Variants in EPS8 observed in about 807,000 individuals in gnomAD.
EPS8 encodes the protein EGFR pathway substrate 8, signaling adaptor.
A neutral mutation model predicts 103.8 loss-of-function variants in EPS8; 42 were observed. That is an observed-to-expected ratio of 0.40 (90% CI 0.32 to 0.52). EPS8 has a LOEUF of 0.52. EPS8 is among the 20% of genes least tolerant of loss of function. The pLI, the probability that EPS8 is intolerant of heterozygous loss-of-function variation, is 0.40. For synonymous variants in EPS8, 344 were observed against 344.6 expected, an observed-to-expected ratio of 1.00 and a Z score of 0.02; for missense variants, 969 against 1,005.1, an observed-to-expected ratio of 0.96 and a Z score of 0.49.
chr12:15,695,951 TA>T lies in EPS8; in HGVS notation c.-21-12980del, dbSNP rs1165312822. The stretch of plus-strand genomic sequence containing the variant: ...AATATGACAACTTCTGTTAATTTAT[TA>T]AAAAGTAAAAATAAAACAGATAGCG... On this transcript the variant is annotated intron_variant, in intron 1 of 20. Coordinates refer to ENST00000281172, the MANE Select transcript of EPS8 (RefSeq NM_004447.6). The surrounding 1 kb of genome is among the most constrained non-coding windows in gnomAD (Gnocchi z 5.0). Among the ~76,000 whole-genome samples, 1 of 152,098 alleles carries T rather than the reference TA, an allele frequency of 6.6e-6. No individual in the cohort carries two copies. Among genetic ancestry groups the T allele is most frequent in the Admixed American group, 6.6e-5 (1 of 15,266 alleles).
At position 15,658,572 on chromosome 12, in the gene EPS8, C is replaced by A; in HGVS notation, c.951G>T (p.Thr317=). 1 of 1,610,476 alleles carries A rather than the reference C, an allele frequency of 6.2e-7. No homozygotes were observed. Among genetic ancestry groups the A allele is most frequent in the African/African-American group, 1.3e-5 (1 of 74,930 alleles). Residue 317 remains threonine (T), a synonymous_variant, in exon 11 of 21, where the codon ACG becomes ACT. Transcript: ENST00000281172. ...KRKGPGEGVL[T]LRAKPPPPDE... ...CAGGAGGTGGAGGTTTTGCCCGCAG[C>A]GTTAAAACACCCTCTAATGAAATAA...
At chr12:15,750,523 A>C (rs578005676) in intron 1 of EPS8, among the ~76,000 whole-genome samples, 69 of 152,310 alleles carry the variant, frequency 4.5e-4, no homozygotes, top group African/African-American at 1.6e-3. Flanking sequence ...TAATATGGAC[A>C]ATGTTAGAGT....
At position 15,761,709 on chromosome 12, in the gene EPS8, C is replaced by A. The variant is rs143146592; in HGVS notation, c.-22+27452G>T. On this transcript the variant is annotated intron_variant, in intron 1 of 20. Transcript: ENST00000281172. This position sits in a 1 kb window ranked among gnomAD's most constrained non-coding sequence, Gnocchi z 4.5. ...AAAAGACAGACTCTTCAATAAATGGCGCTGGGAAAACTGGATATCCATATC... is the reference window on the plus strand; with the variant it reads ...AAAAGACAGACTCTTCAATAAATGGAGCTGGGAAAACTGGATATCCATATC... Among the ~76,000 whole-genome samples, 9 of 151,888 alleles carry A rather than the reference C, an allele frequency of 5.9e-5. No individual in the cohort carries two copies. Among genetic ancestry groups the A allele is most frequent in the African/African-American group, 2.2e-4 (9 of 41,348 alleles).
chr12:15,664,454 G>A (rs1160343207), intron 8 of EPS8, among the ~76,000 whole-genome samples: 1 of 152,120 alleles, frequency 6.6e-6, no homozygotes, highest in African/African-American at 2.4e-5. Context: ...CACAAATTAT[G>A]CTTACTATTT....
chr12:15,671,887 T>A (rs561760211), intron 3 of EPS8: 2 of 152,288 alleles, frequency 1.3e-5, no homozygotes, highest in African/African-American at 4.8e-5. Flanking sequence ...AACAGAATGC[T>A]ATGATGAAAA....
chr12:15,774,265 C>T (rs536851157), intron 1 of EPS8, among the ~76,000 whole-genome samples: 34 of 151,972 alleles, frequency 2.2e-4, no homozygotes, highest in Middle Eastern at 3.4e-3. Flanking sequence ...TATGCTACAC[C>T]TCTTTTACAG....
At chr12:15,673,063 C>T (rs921529936) in intron 3 of EPS8, among the ~76,000 whole-genome samples, 2 of 152,098 alleles carry the variant, frequency 1.3e-5, no homozygotes, top group Non-Finnish European at 2.9e-5. Flanking sequence ...ATTTCCTAAC[C>T]CATAGTTTCC....
rs757389759 is a variant in EPS8 at position 15,650,800 on chromosome 12, GGCAA to G, written c.1434+19_1434+22del. Reference sequence around the variant, plus strand: ...ACAGATAATTACACTGTCTACAGAGGGCAATGTTAAAAAAAAAACTACCTCTGTG... The same window carrying G: ...ACAGATAATTACACTGTCTACAGAGGTGTTAAAAAAAAAACTACCTCTGTG... On this transcript the variant is annotated intron_variant, in intron 14 of 20. Transcript: ENST00000281172. 1.3e-6 allele frequency: 2 copies of G among 1,579,728 alleles called. No individual in the cohort carries two copies. Among genetic ancestry groups the G allele is most frequent in the Non-Finnish European group, 1.7e-6 (2 of 1,150,294 alleles).
chr12:15,662,041 G>A lies in EPS8; in HGVS notation c.795C>T (p.Arg265=), dbSNP rs1591830654. The A allele has an allele frequency of 4.3e-6, 7 of 1,613,662 alleles. No homozygotes were observed. In the East Asian group the frequency reaches 1.6e-4, roughly 36 times the overall value. The part of the protein sequence containing the change: ...QEETPEMMAA[R]IDRDVQILNH... ...CTGTACTTACCACATCTCTGTCAAT[G>A]CGGGCTGCCATCATCTCAGGTGTTT... The change falls in exon 9 of 21, where the codon CGC becomes CGT. Residue 265 remains arginine, a synonymous_variant. Coordinates refer to ENST00000281172, the MANE Select transcript of EPS8 (RefSeq NM_004447.6).
Position 15,693,375 on chromosome 12 carries a change from C to T in EPS8, c.-21-10403G>A, listed in dbSNP as rs573229168. On this transcript the variant is annotated intron_variant, in intron 1 of 20. Transcript: ENST00000281172. This position sits in a 1 kb window ranked among gnomAD's most constrained non-coding sequence, Gnocchi z 5.6. Reference sequence around the variant, plus strand: ...AACCGAGTTCTCTAGTTCACATTCTCCACAGAATAAACTACTGGTTTTACT... The same window carrying T: ...AACCGAGTTCTCTAGTTCACATTCTTCACAGAATAAACTACTGGTTTTACT... Among the ~76,000 whole-genome samples, 2 of 152,298 alleles carry T rather than the reference C, an allele frequency of 1.3e-5. No individual in the cohort carries two copies. The highest frequency in any genetic ancestry group is 3.9e-4 in the East Asian group (2 of 5,190).
chr12:15,643,029 T>C (rs1259442706), intron 15 of EPS8, among the ~76,000 whole-genome samples: 1 of 152,176 alleles, frequency 6.6e-6, no homozygotes. Context: ...TTATTAATAA[T>C]AATAATTTTA....
Position 15,771,474 on chromosome 12 carries a change from A to T in EPS8, c.-22+17687T>A, listed in dbSNP as rs1002977441. Reference sequence around the variant, plus strand: ...ATTGAAGTAGGACAGAGGCAGATACAGAGACATTCAGGAGGGAATAGCTTA... The same window carrying T: ...ATTGAAGTAGGACAGAGGCAGATACTGAGACATTCAGGAGGGAATAGCTTA... On this transcript the variant is annotated intron_variant, in intron 1 of 20. Transcript: ENST00000281172. The surrounding 1 kb of genome is among the most constrained non-coding windows in gnomAD (Gnocchi z 4.6). Among the ~76,000 whole-genome samples, 2 of 152,232 alleles carry T rather than the reference A, an allele frequency of 1.3e-5. No individual in the cohort carries two copies. Among genetic ancestry groups the T allele is most frequent in the Non-Finnish European group, 2.9e-5 (2 of 68,040 alleles).
intron 3 of EPS8, among the ~76,000 whole-genome samples, chr12:15,674,435 T>C (rs1945868266): frequency 1.3e-5 from 2 of 152,158 alleles, no homozygotes; most frequent in African/African-American, 4.8e-5. Context: ...ACTAGCTTAG[T>C]GTCTAAGTAT....
At chr12:15,739,483 C>T (rs1004180540) in intron 1 of EPS8, among the ~76,000 whole-genome samples, 1 of 152,106 alleles carries the variant, frequency 6.6e-6, no homozygotes, top group Non-Finnish European at 1.5e-5. Context: ...CCCATCCAAT[C>T]GACTGGGGGA....
chr12:15,777,899 G>A lies in EPS8; in HGVS notation c.-22+11262C>T, dbSNP rs958997359. 6.6e-6 allele frequency among the ~76,000 whole-genome samples: 1 copy of A among 152,176 alleles called. No individual in the cohort carries two copies. The highest frequency in any genetic ancestry group is 2.4e-5 in the African/African-American group (1 of 41,436). On this transcript the variant is annotated intron_variant, in intron 1 of 20. Coordinates refer to ENST00000281172, the MANE Select transcript of EPS8 (RefSeq NM_004447.6). This position sits in a 1 kb window ranked among gnomAD's most constrained non-coding sequence, Gnocchi z 4.7. ...CCAGTCTTAAGATAAAGCTGAAAATGTGAAATGTGGACAAAGTTTATGGAT... is the reference window on the plus strand; with the variant it reads ...CCAGTCTTAAGATAAAGCTGAAAATATGAAATGTGGACAAAGTTTATGGAT...
chr12:15,627,895 C>A (rs1944975713), intron 18 of EPS8, among the ~76,000 whole-genome samples: 1 of 152,130 alleles, frequency 6.6e-6, no homozygotes, highest in Admixed American at 6.5e-5. Flanking sequence ...GTGACAATAA[C>A]CTGGTCACTT....
intron 18 of EPS8, among the ~76,000 whole-genome samples, chr12:15,626,897 C>G (rs1944956710): frequency 2.0e-5 from 3 of 152,104 alleles, no homozygotes; most frequent in African/African-American, 7.2e-5. Context: ...TTCTATTTCC[C>G]CTGATGTATA....
In EPS8 at chr12:15,714,867, C is replaced by A. The variant is rs1288539519; in HGVS notation, c.-21-31895G>T. Among the ~76,000 whole-genome samples, 2 of 152,132 alleles carry A rather than the reference C, an allele frequency of 1.3e-5. No homozygotes were observed. Among genetic ancestry groups the A allele is most frequent in the African/African-American group, 4.8e-5 (2 of 41,426 alleles). ...TCAATGTCAGAAGTCAATTGCCTGG[C>A]AGAACCTATTCTACATCCACTTTTG... On this transcript the variant is annotated intron_variant, in intron 1 of 20. Transcript: ENST00000281172. This position sits in a 1 kb window ranked among gnomAD's most constrained non-coding sequence, Gnocchi z 4.1.
chr12:15,653,389 C>A (rs1945448690), intron 13 of EPS8, among the ~76,000 whole-genome samples: 1 of 151,412 alleles, frequency 6.6e-6, no homozygotes, highest in Admixed American at 6.6e-5. Flanking sequence ...TAATCCAGCC[C>A]TCATCTCTAT....
Sources: gnomAD v4.1 joint callset for allele counts (sites outside exome capture counted in the v4.1 genomes callset) on GRCh38, gnomAD v4.1.1 for gene constraint, Gnocchi (gnomAD v3.1) non-coding constraint, MANE v1.5 for transcripts, NCBI Gene and HGNC (gene_info 2026-07-23, HGNC 2026-07-21) for gene names.